Variants in RC3H2 observed in about 807,000 individuals in gnomAD.
RC3H2 encodes ring finger and CCCH-type domains 2.
In RC3H2, 31 loss-of-function variants were observed where a neutral mutation model predicts 133.3. The ratio of observed to expected loss-of-function variants is 0.23; its 90% CI spans 0.17 to 0.31. The LOEUF is 0.31. Among genes scored for constraint, RC3H2 ranks in the 10% least tolerant of loss-of-function variants. RC3H2 has a pLI of 1.00. For missense variants in RC3H2, 1,175 were observed against 1,437.2 expected (o/e 0.82, Z 2.95); for synonymous variants, 517 against 502.2 (o/e 1.03, Z -0.40).
intron 1 of RC3H2, among the ~76,000 whole-genome samples, chr9:122,904,262 C>T (rs1002326843): frequency 6.6e-6 from 1 of 152,148 alleles, no homozygotes; most frequent in Non-Finnish European, 1.5e-5. Context: ...ATAAATAAAT[C>T]ACTGGATTAG....
At chr9:122,869,332 TAAA>T (rs1158504347) in intron 9 of RC3H2, among the ~76,000 whole-genome samples, 1 of 152,186 alleles carries the variant, frequency 6.6e-6, no homozygotes, top group African/African-American at 2.4e-5. Flanking sequence ...ATATGGTAAT[TAAA>T]TATAAAGTGT....
chr9:122,872,669 C>T (rs1262291370), intron 9 of RC3H2, among the ~76,000 whole-genome samples: 1 of 152,234 alleles, frequency 6.6e-6, no homozygotes, highest in East Asian at 1.9e-4. Context: ...ACTGCAACCT[C>T]TACCTCCCAG....
intron 18 of RC3H2, chr9:122,851,707 C>T (rs976164438): frequency 1.8e-5 from 7 of 384,016 alleles, no homozygotes; most frequent in South Asian, 4.9e-5. Context: ...CTGTGATGGC[C>T]GGGCTGGTCT....
chr9:122,859,982 T>C lies in RC3H2; in HGVS notation c.1784A>G (p.Asn595Ser), dbSNP rs781675742. The change falls in exon 11 of 21, where the codon AAC becomes AGC. Residue 595 changes from asparagine (N) to serine (S), a missense_variant. Physicochemically the swap from Asn to Ser is conservative, Grantham distance 46. Coordinates refer to ENST00000357244, the MANE Select transcript of RC3H2 (RefSeq NM_001100588.3). ...RVPVYPPHSE[N>S]IQYFQDPRTQ... ...CCTTGGATCTTGAAAATACTGAATGTTTTCAGAATGCGGAGGATATACTGG... is the reference window on the plus strand; with the variant it reads ...CCTTGGATCTTGAAAATACTGAATGCTTTCAGAATGCGGAGGATATACTGG... 1 of 1,614,166 alleles carries C rather than the reference T, an allele frequency of 6.2e-7. No individual in the cohort carries two copies. Among genetic ancestry groups the C allele is most frequent in the South Asian group, 1.1e-5 (1 of 91,084 alleles).
At chr9:122,891,463 T>C (rs1246554423) in intron 3 of RC3H2, among the ~76,000 whole-genome samples, 7 of 152,208 alleles carry the variant, frequency 4.6e-5, no homozygotes, top group Non-Finnish European at 8.8e-5. Flanking sequence ...ATTCCTTGTT[T>C]CACAATCTCT....
At chr9:122,896,711 G>A (rs1832433537) in intron 2 of RC3H2, among the ~76,000 whole-genome samples, 1 of 151,958 alleles carries the variant, frequency 6.6e-6, no homozygotes, top group Non-Finnish European at 1.5e-5. Flanking sequence ...AAAAGTAATT[G>A]CAGTTTTTGC....
chr9:122,881,485 G>C (rs1015608470), intron 5 of RC3H2, among the ~76,000 whole-genome samples: 1 of 148,618 alleles, frequency 6.7e-6, no homozygotes, highest in African/African-American at 2.5e-5. Context: ...AAGGAAAAAA[G>C]AGAAGGGGGA....
intron 18 of RC3H2, 59 bp from the exon 19 acceptor site, chr9:122,851,495 C>T: frequency 6.3e-7 from 1 of 1,578,650 alleles, no homozygotes; most frequent in Non-Finnish European, 8.6e-7. Context: ...TGGTCTCCCT[C>T]TCCCCATGGT....
At chr9:122,872,956 C>T (rs1831163297) in intron 9 of RC3H2, among the ~76,000 whole-genome samples, 1 of 152,160 alleles carries the variant, frequency 6.6e-6, no homozygotes, top group African/African-American at 2.4e-5. Flanking sequence ...TGGAACATAA[C>T]CCCAACATCC....
rs757504896 is a variant in RC3H2 at position 122,860,135 on chromosome 9, G to A, written c.1635-4C>T. ...CTTGGGTGGAGAACCAATTTTACTG[G>A]AGAGAAAATTTAACAAAGGGCAAAG... On this transcript the variant is annotated splice_polypyrimidine_tract_variant and splice_region_variant and intron_variant, in intron 10 of 20. Coordinates refer to ENST00000357244, the MANE Select transcript of RC3H2 (RefSeq NM_001100588.3). 1 of 1,609,592 alleles carries A rather than the reference G, an allele frequency of 6.2e-7. No homozygotes were observed. Among genetic ancestry groups the A allele is most frequent in the East Asian group, 2.2e-5 (1 of 44,850 alleles).
chr9:122,880,320 A>C, intron 6 of RC3H2, 195 bp from the exon 7 acceptor site: 1 of 821,180 alleles, frequency 1.2e-6, no homozygotes, highest in Non-Finnish European at 2.1e-6. Context: ...TAGAAAACTT[A>C]TAAGCTGTAT....
intron 18 of RC3H2, among the ~76,000 whole-genome samples, chr9:122,852,118 T>A (rs1473018818): frequency 2.1e-5 from 3 of 141,718 alleles, no homozygotes; most frequent in Non-Finnish European, 4.5e-5. Context: ...CCGCCCGTCG[T>A]CTGGGATGTG....
chr9:122,886,137 G>A (rs987969784), intron 4 of RC3H2, among the ~76,000 whole-genome samples: 2 of 152,074 alleles, frequency 1.3e-5, no homozygotes, highest in Non-Finnish European at 1.5e-5. Context: ...TTATCCACCC[G>A]CCTCGGCCTC....
chr9:122,890,339 C>A lies in RC3H2; in HGVS notation c.556G>T (p.Ala186Ser). The A allele has an allele frequency of 1.2e-6, 2 of 1,614,090 alleles. No individual in the cohort carries two copies. Among genetic ancestry groups the A allele is most frequent in the Non-Finnish European group, 1.7e-6 (2 of 1,180,024 alleles). ...GGCCCTAAAAACTGGCATCCTCGAG[C>A]CCTGACAGCGGCCCATAGATTGGCA... is the stretch of plus-strand genomic sequence containing the variant. ...LSANLWAAVR[A>S]RGCQFLGPAM... Residue 186 changes from alanine to serine, a missense_variant, in exon 4 of 21, where the codon GCT becomes TCT. By Grantham distance (99) the Ala-to-Ser change is moderately conservative (BLOSUM62 1). Transcript: ENST00000357244.
intron 12 of RC3H2, among the ~76,000 whole-genome samples, chr9:122,858,374 T>G (rs1361948043): frequency 6.6e-6 from 1 of 152,236 alleles, no homozygotes; most frequent in African/African-American, 2.4e-5. Flanking sequence ...TTTTTAAGAT[T>G]TCTTTCTACT....
intron 1 of RC3H2, among the ~76,000 whole-genome samples, chr9:122,899,735 T>C (rs1247871834): frequency 6.6e-6 from 1 of 152,208 alleles, no homozygotes; most frequent in Non-Finnish European, 1.5e-5. Flanking sequence ...AAAAGGCCTT[T>C]GAGGAAGAAT....
At chr9:122,889,185 A>G (rs1342964006) in intron 4 of RC3H2, among the ~76,000 whole-genome samples, 7 of 152,114 alleles carry the variant, frequency 4.6e-5, no homozygotes, top group Admixed American at 4.6e-4. Context: ...ATTTGCTTAT[A>G]ATTTTTTTGT....
Position 122,859,041 on chromosome 9 carries a change from C to T in RC3H2, c.1911G>A (p.Val637=), listed in dbSNP as rs1830357417. ...AGVAPCVPRF[V]RSNNVPESSL... ...AGGACTCTGGAACGTTATTGGACCT[C>T]ACAAAGCGAGGAACACAGGGAGCCA... The change falls in exon 12 of 21, where the codon GTG becomes GTA. Residue 637 remains valine (V), a synonymous_variant. Coordinates refer to ENST00000357244, the MANE Select transcript of RC3H2 (RefSeq NM_001100588.3). The T allele has an allele frequency of 6.2e-7, 1 of 1,610,162 alleles. No homozygotes were observed. The highest frequency in any genetic ancestry group is 1.3e-5 in the African/African-American group (1 of 74,856).
At chr9:122,868,897 T>G (rs1220100157) in intron 9 of RC3H2, among the ~76,000 whole-genome samples, 7 of 4,790 alleles carry the variant, frequency 1.5e-3, no homozygotes, top group Admixed American at 9.4e-3. Context: ...GTGTATGTGT[T>G]TTTTTTTTTT....
Sources: allele counts gnomAD v4.1 joint callset (sites outside exome capture counted in the v4.1 genomes callset), GRCh38; gene constraint gnomAD v4.1.1; transcripts MANE v1.5; gene names NCBI Gene and HGNC (gene_info 2026-07-23, HGNC 2026-07-21).